Variants in AUTS2 observed in about 807,000 individuals in gnomAD.
AUTS2 encodes autism susceptibility gene 2 protein.
A neutral mutation model predicts 112.4 loss-of-function variants in AUTS2; 17 were observed. The observed-to-expected ratio is 0.15, with a 90% confidence interval of 0.10 to 0.23. AUTS2 has a LOEUF of 0.23. Ranked by LOEUF, AUTS2 falls within the 10% of genes least tolerant of loss-of-function variation. AUTS2 has a pLI of 1.00. For missense variants in AUTS2, 1,510 were observed against 1,701.6 expected (o/e 0.89, Z 1.98); for synonymous variants, 751 against 702.7 (o/e 1.07, Z -1.09).
intron 4 of AUTS2, among the ~76,000 whole-genome samples, chr7:70,355,354 C>T (rs999834084): frequency 1.1e-4 from 17 of 152,084 alleles, no homozygotes; most frequent in Admixed American, 3.3e-4. Context: ...CAGGCATTAA[C>T]GAGATCAAAA....
intron 4 of AUTS2, among the ~76,000 whole-genome samples, chr7:70,175,598 A>T (rs1808944231): frequency 1.3e-5 from 2 of 152,170 alleles, no homozygotes; most frequent in African/African-American, 4.8e-5. Flanking sequence ...TGCCACAGCC[A>T]CCCAACCTTC....
chr7:70,698,454 T>C, intron 5 of AUTS2, 115 bp from the exon 6 acceptor site: 1 of 884,576 alleles, frequency 1.1e-6, no homozygotes, highest in Non-Finnish European at 1.8e-6. Context: ...CATTGCTGCT[T>C]CCCTGCTAGG....
intron 1 of AUTS2, among the ~76,000 whole-genome samples, chr7:69,645,524 A>G (rs1794985336): frequency 6.6e-6 from 1 of 152,188 alleles, no homozygotes; most frequent in African/African-American, 2.4e-5. Flanking sequence ...GTACAAAGTC[A>G]ATGTTTTCAG....
intron 1 of AUTS2, among the ~76,000 whole-genome samples, chr7:69,867,703 G>A (rs1337311407): frequency 2.0e-5 from 3 of 152,046 alleles, no homozygotes; most frequent in Non-Finnish European, 4.4e-5. Context: ...ACTTAAGAGT[G>A]CGTGGCAAAA....
rs573723827 is a variant in AUTS2, at chr7:69,991,278, G to T, written c.522+91780G>T. ...GGTCCAGGAGACATCCTGAGGTGAT[G>T]CAGTGTAGGAAAGCATTTCAGAAAG... On this transcript the variant is annotated intron_variant, in intron 2 of 18. Transcript: ENST00000342771. 7.2e-5 allele frequency among the ~76,000 whole-genome samples: 11 copies of T among 152,328 alleles called. No individual in the cohort carries two copies. In the South Asian group the frequency reaches 1.5e-3, roughly 20 times the overall value.
intron 4 of AUTS2, among the ~76,000 whole-genome samples, chr7:70,187,771 T>TC (rs1809680854): frequency 1.4e-5 from 2 of 143,482 alleles, no homozygotes; most frequent in South Asian, 4.6e-4. Context: ...ACTCAACTAG[T>TC]CTTCTTTTTT....
chr7:70,245,162 A>AT (rs1584926363), intron 4 of AUTS2, among the ~76,000 whole-genome samples: 1 of 138,720 alleles, frequency 7.2e-6, no homozygotes, highest in African/African-American at 2.7e-5. Flanking sequence ...ATATATATAT[A>AT]TATATATAAA....
chr7:69,599,776 C>G lies in AUTS2; in HGVS notation c.123C>G (p.Gly41=), dbSNP rs1310041104. 1 of 1,511,878 alleles carries G rather than the reference C, an allele frequency of 6.6e-7. No individual in the cohort carries two copies. The highest frequency in any genetic ancestry group is 1.2e-5 in the South Asian group (1 of 80,860). The allele number at this position is 1,511,878 out of a possible 1,614,324, so 93.7% of individuals were successfully genotyped here. ...GCGCGGCCGGCGGCGGCGGGGCTGG[C>G]CGGACCCGGGCGCTCTCACTCGCCT... The part of the protein sequence containing the change: ...GAGAAGGGGA[G]RTRALSLASS... Residue 41 remains glycine, a synonymous_variant, in exon 1 of 19, where the codon GGC becomes GGG. Transcript: ENST00000342771. This position sits in a 1 kb window ranked among gnomAD's most constrained non-coding sequence, Gnocchi z 7.0.
At chr7:70,630,704 G>T (rs1805213975) in intron 5 of AUTS2, among the ~76,000 whole-genome samples, 2 of 152,328 alleles carry the variant, frequency 1.3e-5, no homozygotes, top group Middle Eastern at 3.4e-3. Flanking sequence ...CTGAGCTGAA[G>T]CCCGAGCAGA....
intron 2 of AUTS2, among the ~76,000 whole-genome samples, chr7:70,068,395 A>G (rs1200324719): frequency 5.9e-5 from 9 of 151,752 alleles, no homozygotes; most frequent in Non-Finnish European, 1.3e-4. Context: ...CGTGTTAGCC[A>G]GGATGGTCTT....
chr7:70,445,287 A>G (rs753671698), intron 5 of AUTS2, among the ~76,000 whole-genome samples: 8 of 152,148 alleles, frequency 5.3e-5, no homozygotes, highest in African/African-American at 1.4e-4. Flanking sequence ...CCCTCTTCCC[A>G]TGCCGTGCTG....
intron 6 of AUTS2, among the ~76,000 whole-genome samples, chr7:70,742,717 G>A (rs527969929): frequency 8.5e-5 from 13 of 152,250 alleles, no homozygotes; most frequent in African/African-American, 3.1e-4. Flanking sequence ...AGCCGAGATC[G>A]CGCCCTTGCA....
At chr7:69,738,163 G>T (rs1258283230) in intron 1 of AUTS2, among the ~76,000 whole-genome samples, 1 of 152,014 alleles carries the variant, frequency 6.6e-6, no homozygotes, top group Non-Finnish European at 1.5e-5. Flanking sequence ...TCAATGCAAG[G>T]GGGTCATTTG....
intron 2 of AUTS2, among the ~76,000 whole-genome samples, chr7:70,080,551 ATTGC>A (rs1418333957): frequency 6.6e-6 from 1 of 152,208 alleles, no homozygotes; most frequent in East Asian, 1.9e-4. Context: ...TTATTTGTAA[ATTGC>A]TTGCTATACA....
intron 1 of AUTS2, among the ~76,000 whole-genome samples, chr7:69,755,639 C>T (rs567948505): frequency 2.0e-5 from 3 of 152,288 alleles, no homozygotes; most frequent in East Asian, 3.9e-4. Context: ...TTGCTAATTA[C>T]AGTATATTGT....
chr7:70,029,887 G>A (rs929054820), intron 2 of AUTS2, among the ~76,000 whole-genome samples: 2 of 152,106 alleles, frequency 1.3e-5, no homozygotes, highest in Non-Finnish European at 2.9e-5. Flanking sequence ...AAAAACAGGT[G>A]GACTATAATT....
intron 4 of AUTS2, among the ~76,000 whole-genome samples, chr7:70,309,818 C>T (rs1422714319): frequency 7.9e-5 from 12 of 152,178 alleles, no homozygotes; most frequent in African/African-American, 1.9e-4. Flanking sequence ...AGCACATCAG[C>T]GCTTCAGTGA....
chr7:70,083,480 AAAAT>A (rs1259012665), intron 2 of AUTS2, among the ~76,000 whole-genome samples: 1 of 152,226 alleles, frequency 6.6e-6, no homozygotes, highest in African/African-American at 2.4e-5. Flanking sequence ...CACACACACT[AAAAT>A]AAACTTCTTT....
chr7:70,683,500 C>T (rs4718982), intron 5 of AUTS2, among the ~76,000 whole-genome samples: 58,000 of 152,024 alleles, frequency 0.38, 12,500 homozygotes, highest in African/African-American at 0.56. Context: ...GTATCTTGTT[C>T]CCAGTGAGGA....
Sources: allele counts gnomAD v4.1 joint callset (sites outside exome capture counted in the v4.1 genomes callset), GRCh38; gene constraint gnomAD v4.1.1; non-coding constraint Gnocchi (gnomAD v3.1); transcripts MANE v1.5; gene names NCBI Gene and HGNC (gene_info 2026-07-23, HGNC 2026-07-21).